The following PARP16 variants were observed in gnomAD, a reference collection of about 807,000 sequenced individuals.
PARP16 encodes the protein poly(ADP-ribose) polymerase family member 16.
Under a neutral mutation model 35.0 loss-of-function variants are expected in PARP16, and 31 were observed. That is an observed-to-expected ratio of 0.88 (90% CI 0.66 to 1.19). The LOEUF is 1.19. PARP16 is among the 50% of genes most tolerant of loss of function. The probability of loss-of-function intolerance (pLI) is 0.00; values close to 1 mark genes in which losing one functional copy is unlikely to be tolerated. For synonymous variants in PARP16, 162 were observed against 169.5 expected, an observed-to-expected ratio of 0.96 and a Z score of 0.34; for missense variants, 424 against 411.2, an observed-to-expected ratio of 1.03 and a Z score of -0.27.
Position 65,274,022 on chromosome 15 carries a change from A to G in PARP16, c.175-2950T>C, listed in dbSNP as rs567928744. On this transcript the variant is annotated intron_variant, in intron 1 of 5. Coordinates refer to ENST00000649807, the MANE Select transcript of PARP16 (RefSeq NM_001316943.2). ...GGCTGGAGTGCAGTGGCACAAACAC[A>G]GCTCACTGCAGGATCCATCCCACCC... Among the ~76,000 whole-genome samples, 25 of 152,210 alleles carry G rather than the reference A, an allele frequency of 1.6e-4. No homozygotes were observed. The South Asian group carries it at 5.2e-3, about 32-fold the overall frequency.
chr15:65,246,060 G>C (rs1324992058), intron 3 of PARP16, among the ~76,000 whole-genome samples: 1 of 151,978 alleles, frequency 6.6e-6, no homozygotes. Context: ...CCCATGTTGG[G>C]GATGGCCATT....
chr15:65,277,605 TG>T (rs1394210327), intron 1 of PARP16, among the ~76,000 whole-genome samples: 1 of 152,250 alleles, frequency 6.6e-6, no homozygotes, highest in Non-Finnish European at 1.5e-5. Flanking sequence ...CTCAGCACCT[TG>T]CCTAGGGGCA....
intron 3 of PARP16, among the ~76,000 whole-genome samples, chr15:65,244,673 C>T (rs1219629914): frequency 6.6e-6 from 1 of 152,198 alleles, no homozygotes; most frequent in Non-Finnish European, 1.5e-5. Flanking sequence ...GCCTTAAGAG[C>T]AAGGATCTTG....
chr15:65,246,809 C>A (rs2089220970), intron 3 of PARP16, among the ~76,000 whole-genome samples: 1 of 152,166 alleles, frequency 6.6e-6, no homozygotes, highest in African/African-American at 2.4e-5. Flanking sequence ...TTTTCTCCCC[C>A]ACTGTCCCCA....
intron 2 of PARP16, among the ~76,000 whole-genome samples, chr15:65,267,678 C>T (rs1372627357): frequency 5.1e-4 from 27 of 53,030 alleles, no homozygotes; most frequent in Non-Finnish European, 6.2e-4. Flanking sequence ...ATTTTCCTAA[C>T]TTTTTTTTTT....
intron 1 of PARP16, among the ~76,000 whole-genome samples, chr15:65,271,527 G>A (rs1005874233): frequency 3.3e-5 from 5 of 151,978 alleles, no homozygotes; most frequent in Non-Finnish European, 5.9e-5. Context: ...CCCCTGCCTC[G>A]GCCTTCCAAA....
Position 65,270,953 on chromosome 15 carries a change from G to A in PARP16, c.294C>T (p.His98=), listed in dbSNP as rs756678795. The A allele has an allele frequency of 1.2e-6, 2 of 1,614,162 alleles. No individual in the cohort carries two copies. The highest frequency in any genetic ancestry group is 1.1e-5 in the South Asian group (1 of 91,078). Residue 98 remains histidine, a synonymous_variant, in exon 2 of 6, where the codon CAC becomes CAT. Transcript: ENST00000649807. Reference sequence around the variant, plus strand: ...GTCTCACCTCTGCCTTCCCTGCACTGTGGATTGTCAGGACCTTTGAGGATA... The same window carrying A: ...GTCTCACCTCTGCCTTCCCTGCACTATGGATTGTCAGGACCTTTGAGGATA... ...WILSSKVLTI[H]SAGKAEFEKI...
chr15:65,246,948 C>G (rs899373581), intron 3 of PARP16, among the ~76,000 whole-genome samples: 1 of 152,136 alleles, frequency 6.6e-6, no homozygotes, highest in Non-Finnish European at 1.5e-5. Flanking sequence ...AGAACAGAAG[C>G]TAATATTTAT....
At chr15:65,233,143 G>A (rs2088800275), downstream of PARP16, among the ~76,000 whole-genome samples, 1 of 152,214 alleles carries the variant, frequency 6.6e-6, no homozygotes, top group Non-Finnish European at 1.5e-5. Flanking sequence ...ACCAGGTGCG[G>A]TGGCTCACGC....
rs146950400 is a variant in PARP16 at position 65,272,755 on chromosome 15, T to A, written c.175-1683A>T. ...AAACAGCATGAACTGTGGAATCAGA[T>A]CTCAGTTGGAATCTCTGTTGAGCTT... On this transcript the variant is annotated intron_variant, in intron 1 of 5. Coordinates refer to ENST00000649807, the MANE Select transcript of PARP16 (RefSeq NM_001316943.2). 2.2e-3 allele frequency among the ~76,000 whole-genome samples: 332 copies of A among 152,276 alleles called. 2 individuals carry two copies. The highest frequency in any genetic ancestry group is 7.1e-3 in the African/African-American group (296 of 41,548).
At chr15:65,272,761 T>C (rs1477675192) in intron 1 of PARP16, among the ~76,000 whole-genome samples, 3 of 152,196 alleles carry the variant, frequency 2.0e-5, no homozygotes, top group Non-Finnish European at 2.9e-5. Flanking sequence ...CAGATCTCAG[T>C]TGGAATCTCT....
intron 1 of PARP16, chr15:65,285,455 A>G (rs2090562058): frequency 2.9e-6 from 1 of 344,830 alleles, no homozygotes; most frequent in South Asian, 2.6e-5. Flanking sequence ...AGTTTTTAAC[A>G]GTGAAGAATG....
intron 3 of PARP16, 123 bp downstream of exon 3, chr15:65,266,439 G>T: frequency 1.4e-6 from 1 of 736,790 alleles, no homozygotes; most frequent in African/African-American, 1.8e-5. Flanking sequence ...TTTTGAGTGA[G>T]AAGGCGTTAG....
At chr15:65,262,375 A>C (rs986245260) in intron 4 of PARP16, among the ~76,000 whole-genome samples, 3 of 151,924 alleles carry the variant, frequency 2.0e-5, no homozygotes, top group Non-Finnish European at 4.4e-5. Flanking sequence ...CAGGTGATCC[A>C]CCCGACTTGG....
intron 1 of PARP16, among the ~76,000 whole-genome samples, chr15:65,280,330 G>A (rs974395493): frequency 5.9e-5 from 9 of 151,568 alleles, no homozygotes; most frequent in South Asian, 4.2e-4. Context: ...CCAGCTACAC[G>A]GGAGGCTGAC....
At chr15:65,282,205 G>A (rs984073234) in intron 1 of PARP16, among the ~76,000 whole-genome samples, 4 of 152,052 alleles carry the variant, frequency 2.6e-5, no homozygotes, top group Admixed American at 2.0e-4. Flanking sequence ...TAAAGACAGG[G>A]TTTCGCCATG....
chr15:65,240,882 G>C (rs757657762), intron 3 of PARP16, among the ~76,000 whole-genome samples: 95 of 151,110 alleles, frequency 6.3e-4, no homozygotes, highest in Non-Finnish European at 1.2e-3. Flanking sequence ...GCCTAGGCTG[G>C]AGTGCAGTGG....
intron 5 of PARP16, among the ~76,000 whole-genome samples, chr15:65,260,094 G>A (rs1284486887): frequency 6.6e-6 from 1 of 152,146 alleles, no homozygotes; most frequent in Non-Finnish European, 1.5e-5. Context: ...CTGGACCCAG[G>A]CACCCTATAT....
intron 1 of PARP16, among the ~76,000 whole-genome samples, chr15:65,281,410 C>T (rs2090418401): frequency 6.6e-6 from 1 of 152,106 alleles, no homozygotes; most frequent in Admixed American, 6.5e-5. Flanking sequence ...AGAGAGCTGG[C>T]CAGGCACGGT....
Sources: gnomAD v4.1 joint callset for allele counts (sites outside exome capture counted in the v4.1 genomes callset) on GRCh38, gnomAD v4.1.1 for gene constraint, MANE v1.5 for transcripts, NCBI Gene and HGNC (gene_info 2026-07-23, HGNC 2026-07-21) for gene names.